AMMECR1: variants seen among roughly 807,000 people sequenced by gnomAD.
AMMECR1 encodes the protein AMMECR nuclear protein 1, also known as nuclear protein AMMECR1.
Under a neutral mutation model 22.5 loss-of-function variants are expected in AMMECR1, and 3 were observed. The observed-to-expected ratio is 0.13, with a 90% CI of 0.06 to 0.35. AMMECR1 has a LOEUF of 0.35. AMMECR1 is among the 10% of genes least tolerant of loss of function. AMMECR1 has a pLI of 1.00. For synonymous variants in AMMECR1, 130 were observed against 116.7 expected (o/e 1.11, Z -0.74); for missense variants, 235 against 278.7 (o/e 0.84, Z 1.12).
chrX:110,209,872 GACAC>G (rs112143179), intron 3 of AMMECR1, among the ~76,000 whole-genome samples: 24 of 104,824 alleles, frequency 2.3e-4, no homozygotes, highest in African/African-American at 6.6e-4. Context: ...AAATGCTGGG[GACAC>G]ACACACACAC....
chrX:110,255,538 G>A (rs2067706549), intron 2 of AMMECR1, among the ~76,000 whole-genome samples: 1 of 112,019 alleles, frequency 8.9e-6, no homozygotes, highest in African/African-American at 3.2e-5. Context: ...GCCATCCTCA[G>A]TGAAGTGACT....
At chrX:110,204,788 G>C (rs983668861) in intron 3 of AMMECR1, among the ~76,000 whole-genome samples, 2 of 111,281 alleles carry the variant, frequency 1.8e-5, no homozygotes, top group Non-Finnish European at 3.8e-5. Flanking sequence ...GGATACAAAG[G>C]ACATATTGGC....
intron 2 of AMMECR1, among the ~76,000 whole-genome samples, chrX:110,418,685 C>A (rs746255808): frequency 9.0e-6 from 1 of 111,667 alleles, no homozygotes; most frequent in South Asian, 3.8e-4. Context: ...AAGATGGGAC[C>A]TTATGGGATC....
chrX:110,226,954 T>A (rs2067537061), intron 2 of AMMECR1, among the ~76,000 whole-genome samples: 1 of 111,999 alleles, frequency 8.9e-6, no homozygotes, highest in Non-Finnish European at 1.9e-5. Context: ...ACATCTGTTT[T>A]ATCTAAACTT....
At chrX:110,236,172 TG>T (rs1569383000) in intron 2 of AMMECR1, among the ~76,000 whole-genome samples, 1 of 112,086 alleles carries the variant, frequency 8.9e-6, no homozygotes, top group Admixed American at 9.4e-5. Flanking sequence ...ACTATGAACA[TG>T]AACTATTTCA....
At chrX:110,350,541 T>C (rs937936267) in intron 2 of AMMECR1, among the ~76,000 whole-genome samples, 2 of 111,812 alleles carry the variant, frequency 1.8e-5, no homozygotes, top group Admixed American at 9.5e-5. Context: ...ATCTTATACA[T>C]AGAAAACCCT....
intron 2 of AMMECR1, among the ~76,000 whole-genome samples, chrX:110,426,238 C>G (rs1039219534): frequency 3.6e-5 from 4 of 112,255 alleles, no homozygotes; most frequent in East Asian, 2.8e-4. Context: ...ATAGTTACTA[C>G]CAGAATGGAG....
chrX:110,420,335 A>C (rs1328239470), intron 2 of AMMECR1, among the ~76,000 whole-genome samples: 1 of 112,339 alleles, frequency 8.9e-6, no homozygotes, highest in Non-Finnish European at 1.9e-5. Context: ...TTGAATGAGC[A>C]AATGAGTGAG....
At chrX:110,365,808 C>T (rs1253675101) in intron 2 of AMMECR1, among the ~76,000 whole-genome samples, 3 of 111,670 alleles carry the variant, frequency 2.7e-5, no homozygotes, top group African/African-American at 9.8e-5. Flanking sequence ...AAAGAGTGAG[C>T]GAGGTGATCT....
Position 110,197,731 on chromosome X carries a change from G to T in AMMECR1, c.*789C>A, listed in dbSNP as rs1386084170. ...CTGTAGCCTTTTTGAAAGGTAGTTT[G>T]TACCTTCTCCAAACAGTGTTTTAGT... On this transcript the variant is annotated 3_prime_UTR_variant, in exon 6 of 6. Transcript: ENST00000262844. 8.9e-6 allele frequency: 1 copy of T among 111,754 alleles called. No individual in the cohort carries two copies. Among genetic ancestry groups the T allele is most frequent in the Non-Finnish European group, 1.9e-5 (1 of 53,066 alleles). 9.2% of individuals were successfully genotyped at this position (111,754 alleles called of 1,213,427 possible).
intron 2 of AMMECR1, among the ~76,000 whole-genome samples, chrX:110,259,659 T>G (rs2067728983): frequency 9.3e-6 from 1 of 108,012 alleles, no homozygotes; most frequent in South Asian, 4.2e-4. Context: ...TGGCGCAATC[T>G]TGGCTCACTG....
intron 2 of AMMECR1, among the ~76,000 whole-genome samples, chrX:110,240,696 G>C (rs1030137198): frequency 9.0e-6 from 1 of 111,538 alleles, no homozygotes; most frequent in Non-Finnish European, 1.9e-5. Flanking sequence ...AGATATTCAG[G>C]ACTTGAGCTC....
Position 110,362,677 on chromosome X carries a change from G to A in AMMECR1, c.-147-44828C>T, listed in dbSNP as rs138046099. Among the ~76,000 whole-genome samples the A allele has an allele frequency of 6.2e-3, 691 of 111,904 alleles. 1 individual carries two copies. The highest frequency in any genetic ancestry group is 0.011 in the Non-Finnish European group (575 of 53,102). On this transcript the variant is annotated intron_variant, in intron 2 of 7. Coordinates refer to the AMMECR1 transcript ENST00000372057. ...CATGGTAGGAAATATGATAAATGAAGTATTTACCAGTTCTTACTGACTGTT... is the reference window on the plus strand; with the variant it reads ...CATGGTAGGAAATATGATAAATGAAATATTTACCAGTTCTTACTGACTGTT...
At chrX:110,216,715 G>A (rs2067474967) in intron 2 of AMMECR1, 83 bp from the exon 3 acceptor site, 2 of 597,600 alleles carry the variant, frequency 3.3e-6, no homozygotes, top group African/African-American at 2.3e-5. Flanking sequence ...TTTGAAAAAG[G>A]TAAGAGTTTC....
At chrX:110,282,032 A>AG (rs757444178) in intron 1 of AMMECR1, among the ~76,000 whole-genome samples, 1 of 112,091 alleles carries the variant, frequency 8.9e-6, no homozygotes, top group Non-Finnish European at 1.9e-5. Flanking sequence ...TTACAAGTCT[A>AG]GGCCCAAGAA....
intron 2 of AMMECR1, among the ~76,000 whole-genome samples, chrX:110,259,875 G>A (rs868369565): frequency 1.8e-5 from 2 of 111,339 alleles, no homozygotes; most frequent in African/African-American, 3.3e-5. Flanking sequence ...GAGCCACCGC[G>A]CCCGGCCAGG....
intron 2 of AMMECR1, among the ~76,000 whole-genome samples, chrX:110,340,450 C>T (rs968750536): frequency 3.6e-5 from 4 of 111,979 alleles, no homozygotes; most frequent in African/African-American, 6.5e-5. Context: ...CTGCCTGGGG[C>T]ATCCACATTG....
chrX:110,227,220 T>G (rs908681583), intron 2 of AMMECR1, among the ~76,000 whole-genome samples: 15 of 112,140 alleles, frequency 1.3e-4, no homozygotes, highest in Non-Finnish European at 2.6e-4. Flanking sequence ...TTAATTGAAC[T>G]CTATAAACTG....
At chrX:110,277,552 G>A (rs755091177) in intron 1 of AMMECR1, among the ~76,000 whole-genome samples, 55 of 111,049 alleles carry the variant, frequency 5.0e-4, no homozygotes, top group African/African-American at 1.7e-3. Context: ...ATGTACCCTA[G>A]AACTTAAAGT....
Sources: gnomAD v4.1 joint callset for allele counts (sites outside exome capture counted in the v4.1 genomes callset) on GRCh38, gnomAD v4.1.1 for gene constraint, MANE v1.5 for transcripts, NCBI Gene and HGNC (gene_info 2026-07-23, HGNC 2026-07-21) for gene names.